The following RBMS3 variants were observed in gnomAD, a reference collection of about 807,000 sequenced individuals.
The protein encoded by RBMS3 is RNA-binding motif, single-stranded-interacting protein 3.
RBMS3 carries 27 observed loss-of-function variants against 66.8 expected under a neutral mutation model. The observed-to-expected ratio is 0.40, with a 90% CI of 0.30 to 0.56. The LOEUF is 0.56. Among genes scored for constraint, RBMS3 ranks in the 20% least tolerant of loss-of-function variants. The pLI is 0.40. For missense variants in RBMS3, 513 were observed against 549.5 expected (o/e 0.93, Z 0.66); for synonymous variants, 188 against 183.0 (o/e 1.03, Z -0.22).
chr3:29,812,940 G>A (rs572225508), intron 6 of RBMS3, among the ~76,000 whole-genome samples: 6 of 151,910 alleles, frequency 3.9e-5, no homozygotes, highest in South Asian at 2.1e-4. Context: ...GATGTACAAC[G>A]CACACACATA....
chr3:29,411,405 A>T (rs543808329), intron 1 of RBMS3, among the ~76,000 whole-genome samples: 1 of 152,326 alleles, frequency 6.6e-6, no homozygotes, highest in East Asian at 1.9e-4. Flanking sequence ...AAGACATCTG[A>T]CATGTTTAAG....
intron 7 of RBMS3, among the ~76,000 whole-genome samples, chr3:29,877,868 G>A (rs948205831): frequency 5.3e-5 from 8 of 152,060 alleles, no homozygotes; most frequent in Admixed American, 1.3e-4. Flanking sequence ...TATTTTTTCC[G>A]AGAATAGTTT....
chr3:29,763,234 AG>A (rs2055773865), intron 6 of RBMS3, among the ~76,000 whole-genome samples: 1 of 152,102 alleles, frequency 6.6e-6, no homozygotes, highest in African/African-American at 2.4e-5. Context: ...ACCATAGCAA[AG>A]AATAGTTAAA....
rs187689844 is a variant in RBMS3 at position 29,401,160 on chromosome 3, G to T, written c.76-33583G>T. Among the ~76,000 whole-genome samples the T allele has an allele frequency of 3.1e-4, 47 of 152,054 alleles. No homozygotes were observed. In the East Asian group the frequency reaches 8.1e-3, roughly 26 times the overall value. On this transcript the variant is annotated intron_variant, in intron 1 of 14. Coordinates refer to ENST00000383767, the MANE Select transcript of RBMS3 (RefSeq NM_001003793.3). ...ATCGATTGAGGCTTCAATCCAGTTC[G>T]CTAGGAGTTGTCCCATTTTCTCCCA...
rs1419709296 is a variant in RBMS3, at chr3:29,573,734, G to A, written c.308-13380G>A. Among the ~76,000 whole-genome samples, 3 of 152,052 alleles carry A rather than the reference G, an allele frequency of 2.0e-5. No homozygotes were observed. The East Asian group carries it at 5.8e-4, about 29-fold the overall frequency. On this transcript the variant is annotated intron_variant, in intron 3 of 14. Transcript: ENST00000383767. Reference sequence around the variant, plus strand: ...CTTCCCTCTGAGTACTGCTTTTTCTGTATTCCATAGGTTTTGATATGTTAT... The same window carrying A: ...CTTCCCTCTGAGTACTGCTTTTTCTATATTCCATAGGTTTTGATATGTTAT...
chr3:29,472,017 C>A (rs76411640), intron 2 of RBMS3, among the ~76,000 whole-genome samples: 2 of 151,946 alleles, frequency 1.3e-5, no homozygotes, highest in Non-Finnish European at 2.9e-5. Context: ...TAGCTTCTGC[C>A]ATCAATGCTA....
At chr3:29,406,211 G>T (rs1170956898) in intron 1 of RBMS3, among the ~76,000 whole-genome samples, 1 of 152,196 alleles carries the variant, frequency 6.6e-6, no homozygotes, top group Non-Finnish European at 1.5e-5. Context: ...GTGGCTCACA[G>T]TTGTGCTGTC....
chr3:29,924,782 C>T (rs1346055893), intron 10 of RBMS3: 5 of 152,324 alleles, frequency 3.3e-5, no homozygotes, highest in African/African-American at 4.9e-5. Context: ...TTGCAGTGAG[C>T]CAAGATCACA....
At chr3:29,857,120 C>A (rs1174964128) in intron 6 of RBMS3, among the ~76,000 whole-genome samples, 1 of 152,182 alleles carries the variant, frequency 6.6e-6, no homozygotes, top group Admixed American at 6.5e-5. Flanking sequence ...AGAGCTTTCA[C>A]TTTGAAACCA....
chr3:29,590,834 T>C (rs1198761197), intron 4 of RBMS3, among the ~76,000 whole-genome samples: 1 of 152,150 alleles, frequency 6.6e-6, no homozygotes, highest in Non-Finnish European at 1.5e-5. Context: ...TGGGGTGCCA[T>C]CAAGGATCAA....
At chr3:29,631,148 T>G (rs943568774) in intron 4 of RBMS3, among the ~76,000 whole-genome samples, 4 of 152,020 alleles carry the variant, frequency 2.6e-5, no homozygotes, top group Non-Finnish European at 4.4e-5. Context: ...AATTGCATTA[T>G]AACTATCACT....
intron 5 of RBMS3, among the ~76,000 whole-genome samples, chr3:29,750,438 A>G (rs1044831190): frequency 6.6e-6 from 1 of 152,214 alleles, no homozygotes; most frequent in African/African-American, 2.4e-5. Context: ...AATGTAATAT[A>G]ATAATCATAA....
rs566747519 is a variant in RBMS3, at chr3:29,530,115, A to G, written c.307+41616A>G. On this transcript the variant is annotated intron_variant, in intron 3 of 14. Transcript: ENST00000383767. ...CTGGGAACTTGTTCTTACACCTCAA[A>G]AGCCTTTTTTACCCCAATACTCATC... Among the ~76,000 whole-genome samples, 37 of 152,246 alleles carry G rather than the reference A, an allele frequency of 2.4e-4. No homozygotes were observed. The East Asian group carries it at 6.6e-3, about 27-fold the overall frequency.
At chr3:29,596,971 C>T (rs939558353) in intron 4 of RBMS3, among the ~76,000 whole-genome samples, 2 of 152,116 alleles carry the variant, frequency 1.3e-5, no homozygotes, top group African/African-American at 4.8e-5. Flanking sequence ...TATTCAGAAC[C>T]TAATTCCTGA....
At chr3:29,758,688 A>G (rs1423567444) in intron 5 of RBMS3, among the ~76,000 whole-genome samples, 1 of 152,216 alleles carries the variant, frequency 6.6e-6, no homozygotes, top group Non-Finnish European at 1.5e-5. Flanking sequence ...GCATTCATTC[A>G]TCTTTGTTTC....
At chr3:29,790,339 C>T (rs1016832199) in intron 6 of RBMS3, among the ~76,000 whole-genome samples, 1 of 152,012 alleles carries the variant, frequency 6.6e-6, no homozygotes, top group South Asian at 2.1e-4. Flanking sequence ...TTTTGTGAGG[C>T]GTCTTTTGTA....
intron 4 of RBMS3, among the ~76,000 whole-genome samples, chr3:29,625,290 C>T (rs1464451428): frequency 6.6e-6 from 1 of 151,824 alleles, no homozygotes; most frequent in South Asian, 2.1e-4. Flanking sequence ...CATTACTTAC[C>T]ACAGTTATTT....
intron 10 of RBMS3, among the ~76,000 whole-genome samples, chr3:29,904,211 G>A (rs556025462): frequency 2.0e-5 from 3 of 151,944 alleles, no homozygotes; most frequent in South Asian, 2.1e-4. Context: ...TGAAATGCAA[G>A]GCTTATAATT....
chr3:30,000,805 G>A (rs1174838617), intron 14 of RBMS3, among the ~76,000 whole-genome samples: 2 of 152,008 alleles, frequency 1.3e-5, no homozygotes, highest in South Asian at 2.1e-4. Context: ...ACCAAACACT[G>A]CATATTCTCA....
Sources: allele counts gnomAD v4.1 joint callset (sites outside exome capture counted in the v4.1 genomes callset), GRCh38; gene constraint gnomAD v4.1.1; transcripts MANE v1.5; gene names NCBI Gene and HGNC (gene_info 2026-07-23, HGNC 2026-07-21).